Variants in ULK2 observed in about 807,000 individuals in gnomAD.
The protein encoded by ULK2 is serine/threonine-protein kinase ULK2.
ULK2 carries 76 observed loss-of-function variants against 127.5 expected under a neutral mutation model. The observed-to-expected ratio is 0.60, with a 90% CI of 0.50 to 0.72. ULK2 has a LOEUF of 0.72. Among genes scored for constraint, ULK2 ranks in the 30% least tolerant of loss-of-function variants. The pLI, the probability that ULK2 is intolerant of heterozygous loss-of-function variation, is 0.00. For missense variants in ULK2, 1,144 were observed against 1,295.9 expected, an observed-to-expected ratio of 0.88 and a Z score of 1.80; for synonymous variants, 452 against 461.9, an observed-to-expected ratio of 0.98 and a Z score of 0.28.
intron 21 of ULK2, among the ~76,000 whole-genome samples, chr17:19,784,643 C>A (rs1350507834): frequency 1.3e-5 from 2 of 149,082 alleles, no homozygotes; most frequent in African/African-American, 4.9e-5. Flanking sequence ...TTCACCTCAG[C>A]CTCACAAGTA....
At chr17:19,791,844 C>CAAAAAAAAAAA (rs58434256) in intron 20 of ULK2, among the ~76,000 whole-genome samples, 6 of 48,242 alleles carry the variant, frequency 1.2e-4, no homozygotes, top group East Asian at 4.5e-4. Flanking sequence ...ACCCTGTTTA[C>CAAAAAAAAAAA]AAAAAAAAAA....
At chr17:19,778,208 T>G (rs758259602) in intron 25 of ULK2, among the ~76,000 whole-genome samples, 5 of 152,260 alleles carry the variant, frequency 3.3e-5, no homozygotes, top group Non-Finnish European at 7.3e-5. Flanking sequence ...TGCCAGGCAC[T>G]GCGCCTACAA....
intron 3 of ULK2, among the ~76,000 whole-genome samples, chr17:19,859,939 A>G (rs1057441065): frequency 3.9e-5 from 6 of 152,182 alleles, no homozygotes; most frequent in African/African-American, 7.2e-5. Context: ...AGCTTCCCAA[A>G]GCACTGAGTT....
At chr17:19,778,266 G>A (rs1194521423) in intron 25 of ULK2, among the ~76,000 whole-genome samples, 4 of 152,202 alleles carry the variant, frequency 2.6e-5, no homozygotes, top group African/African-American at 9.6e-5. Context: ...TGCAAAAAAT[G>A]CAATTCTAAT....
rs1236663105 is a variant in ULK2 at position 19,839,962 on chromosome 17, CAT to C, written c.705-1381_705-1380del. ...ACACATACACAAAGGAGTACACACA[CAT>C]ACACACACACACACACACACACACT... On this transcript the variant is annotated intron_variant, in intron 9 of 26. Coordinates refer to ENST00000395544, the MANE Select transcript of ULK2 (RefSeq NM_014683.4). Among the ~76,000 whole-genome samples the C allele has an allele frequency of 7.7e-5, 11 of 143,332 alleles. No individual in the cohort carries two copies. The East Asian group carries it at 2.1e-3, about 27-fold the overall frequency. 94.0% of individuals were successfully genotyped at this position (143,332 alleles called of 152,430 possible).
rs1170849039 is a variant in ULK2, at chr17:19,782,019, T to C, written c.2509A>G (p.Thr837Ala). The C allele has an allele frequency of 1.1e-5, 17 of 1,614,222 alleles. No individual in the cohort carries two copies. Among genetic ancestry groups the C allele is most frequent in the Non-Finnish European group, 1.4e-5 (17 of 1,180,030 alleles). Residue 837 changes from threonine (T) to alanine (A), a missense_variant, in exon 23 of 27, where the codon ACT (threonine) becomes GCT (alanine). Coordinates refer to ENST00000395544, the MANE Select transcript of ULK2 (RefSeq NM_014683.4). ...LRHLNVMLMF[T>A]ECVLDLTAMR... ...GCTGTCAGGTCCAGCACACACTCAGTGAACATCAGCATCACATTCAGATGG... is the reference window on the plus strand; with the variant it reads ...GCTGTCAGGTCCAGCACACACTCAGCGAACATCAGCATCACATTCAGATGG...
intron 3 of ULK2, among the ~76,000 whole-genome samples, chr17:19,859,717 A>G (rs897985932): frequency 1.3e-5 from 2 of 152,168 alleles, no homozygotes; most frequent in African/African-American, 4.8e-5. Context: ...CTGTCACCCA[A>G]GCTGGAGTAC....
At chr17:19,810,272 C>T in intron 14 of ULK2, 106 bp downstream of exon 14, 1 of 560,240 alleles carries the variant, frequency 1.8e-6, no homozygotes, top group Non-Finnish European at 2.9e-6. Flanking sequence ...AAATAATGGA[C>T]TGTAAAACAA....
chr17:19,779,064 T>A (rs908215435), intron 25 of ULK2, among the ~76,000 whole-genome samples: 2 of 152,196 alleles, frequency 1.3e-5, no homozygotes, highest in Non-Finnish European at 2.9e-5. Context: ...ATCTCAATAG[T>A]TTACAGCAAT....
intron 21 of ULK2, among the ~76,000 whole-genome samples, chr17:19,785,370 C>A (rs955181898): frequency 1.3e-5 from 2 of 152,036 alleles, no homozygotes; most frequent in Non-Finnish European, 2.9e-5. Context: ...TGCCACCACA[C>A]CTGCCTAAAT....
chr17:19,807,079 C>T (rs779824222), intron 14 of ULK2, among the ~76,000 whole-genome samples: 26 of 152,216 alleles, frequency 1.7e-4, no homozygotes, highest in Middle Eastern at 6.8e-3. Flanking sequence ...GGAAGTAATG[C>T]CAAGGGACAG....
At position 19,777,582 on chromosome 17, in the gene ULK2, T is replaced by C; in HGVS notation, c.3051A>G (p.Lys1017=). 6.3e-7 allele frequency: 1 copy of C among 1,598,388 alleles called. No homozygotes were observed. The highest frequency in any genetic ancestry group is 1.1e-5 in the South Asian group (1 of 87,540). Reference sequence around the variant, plus strand: ...ACACTACTTTGTAAGTCAACTTACATTTATGCACATTTTCAATATCTGCAG... The same window carrying C: ...ACACTACTTTGTAAGTCAACTTACACTTATGCACATTTTCAATATCTGCAG... ...QDPADIENVH[K]YKCSIERRLS... Residue 1017 remains lysine (K), a splice_region_variant and synonymous_variant, in exon 26 of 27, where the codon AAA becomes AAG. Coordinates refer to ENST00000395544, the MANE Select transcript of ULK2 (RefSeq NM_014683.4).
chr17:19,804,846 A>G lies in ULK2; in HGVS notation c.1158-16T>C. On this transcript the variant is annotated splice_polypyrimidine_tract_variant and intron_variant, in intron 14 of 26. Transcript: ENST00000395544. ...CTGACACTGCCTGCAATCGTAATTT[A>G]TTGAAAAAGGAAAGAAACAGTGGTA... The G allele has an allele frequency of 6.2e-7, 1 of 1,608,332 alleles. No homozygotes were observed. Among genetic ancestry groups the G allele is most frequent in the Non-Finnish European group, 8.5e-7 (1 of 1,177,366 alleles).
intron 10 of ULK2, among the ~76,000 whole-genome samples, chr17:19,837,238 C>T (rs1250634572): frequency 6.6e-6 from 1 of 151,814 alleles, no homozygotes; most frequent in East Asian, 1.9e-4. Flanking sequence ...GGCAACATGA[C>T]GAAACCCTGT....
intron 3 of ULK2, among the ~76,000 whole-genome samples, chr17:19,862,629 C>T (rs981053450): frequency 1.3e-5 from 2 of 151,876 alleles, no homozygotes; most frequent in Non-Finnish European, 2.9e-5. Flanking sequence ...CCATGCCTGG[C>T]TAATTTTTGT....
At chr17:19,808,049 C>T (rs1228721898) in intron 14 of ULK2, among the ~76,000 whole-genome samples, 3 of 152,052 alleles carry the variant, frequency 2.0e-5, no homozygotes. Flanking sequence ...GAGGCTGCAG[C>T]AAGCCGAAAT....
At chr17:19,817,058 C>A in intron 12 of ULK2, 138 bp from the exon 13 acceptor site, 1 of 689,308 alleles carries the variant, frequency 1.5e-6, no homozygotes, top group South Asian at 2.8e-5. Context: ...TCAAAAAAAT[C>A]TCTTTGGAAA....
intron 3 of ULK2, among the ~76,000 whole-genome samples, chr17:19,857,265 G>A (rs1014151550): frequency 2.7e-5 from 4 of 149,778 alleles, no homozygotes; most frequent in East Asian, 2.0e-4. Context: ...CCAAGATCAC[G>A]GCATTGCACT....
At chr17:19,810,462 A>ATGATT (rs1240354696) in intron 13 of ULK2, 24 bp from the exon 14 acceptor site, 1 of 1,500,616 alleles carries the variant, frequency 6.7e-7, no homozygotes, top group East Asian at 2.3e-5. Flanking sequence ...AAGAACAATC[A>ATGATT]GTTCCTGTTA....
Sources: allele counts gnomAD v4.1 joint callset (sites outside exome capture counted in the v4.1 genomes callset), GRCh38; gene constraint gnomAD v4.1.1; transcripts MANE v1.5; gene names NCBI Gene and HGNC (gene_info 2026-07-23, HGNC 2026-07-21).